Variants in MAP4K3 observed in about 807,000 individuals in gnomAD.
MAP4K3 encodes the protein MAPK/ERK kinase kinase kinase 3.
MAP4K3 carries 94 observed loss-of-function variants against 143.5 expected under a neutral mutation model. The ratio of observed to expected loss-of-function variants is 0.65; its 90% CI spans 0.55 to 0.78. The LOEUF (loss-of-function observed/expected upper bound fraction) is 0.78. MAP4K3 is among the 30% of genes least tolerant of loss of function. MAP4K3 has a pLI of 0.00. For missense variants in MAP4K3, 1,077 were observed against 1,068.1 expected, an observed-to-expected ratio of 1.01 and a Z score of -0.12; for synonymous variants, 416 against 347.2, an observed-to-expected ratio of 1.20 and a Z score of -2.20.
At position 39,286,895 on chromosome 2, in the gene MAP4K3, T is replaced by C. The variant is rs1397472066; in HGVS notation, c.1544A>G (p.His515Arg). The C allele has an allele frequency of 5.0e-6, 8 of 1,610,662 alleles. No individual in the cohort carries two copies. The African/African-American group carries it at 5.3e-5, about 11-fold the overall frequency. The change falls in exon 21 of 34, where the codon CAT becomes CGT. Residue 515 changes from histidine (H) to arginine (R), a missense_variant. Around this residue, in one of 2 missense-constraint regions of MAP4K3, gnomAD observed 864 missense variants for 801.2 expected, o/e 1.08. Transcript: ENST00000263881. Reference sequence around the variant, plus strand: ...TTTTCTTGAAAGGTTTGTGCCTCTATGTTCATTCTGTTGTTGACATAATGA... The same window carrying C: ...TTTTCTTGAAAGGTTTGTGCCTCTACGTTCATTCTGTTGTTGACATAATGA... ...DGSLCQQQNE[H>R]RGTNLSRKEK...
At chr2:39,393,518 T>A (rs1202182595) in intron 1 of MAP4K3, among the ~76,000 whole-genome samples, 1 of 152,190 alleles carries the variant, frequency 6.6e-6, no homozygotes, top group Non-Finnish European at 1.5e-5. Flanking sequence ...CAAACTTCAT[T>A]TTTTAAAATT....
At position 39,290,370 on chromosome 2, in the gene MAP4K3, T is replaced by C. The variant is rs774753019; in HGVS notation, c.1272-36A>G. 102 of 1,402,044 alleles carry C rather than the reference T, an allele frequency of 7.3e-5. 1 individual carries two copies. In the South Asian group the frequency reaches 1.2e-3, roughly 17 times the overall value. The allele number at this position is 1,402,044 out of a possible 1,614,324, so 86.9% of individuals were successfully genotyped here. On this transcript the variant is annotated intron_variant, in intron 18 of 33. Coordinates refer to ENST00000263881, the MANE Select transcript of MAP4K3 (RefSeq NM_003618.4). Reference sequence around the variant, plus strand: ...AAAAGTTTAGAATCAGAACTATTCATTTTACAAATGAATCAATCCTAAAAT... The same window carrying C: ...AAAAGTTTAGAATCAGAACTATTCACTTTACAAATGAATCAATCCTAAAAT...
At chr2:39,324,625 C>T (rs1683428130) in intron 12 of MAP4K3, among the ~76,000 whole-genome samples, 1 of 152,134 alleles carries the variant, frequency 6.6e-6, no homozygotes, top group Non-Finnish European at 1.5e-5. Context: ...TCTTTCTAAA[C>T]ACTTCACCTT....
intron 21 of MAP4K3, among the ~76,000 whole-genome samples, chr2:39,284,120 T>C (rs1471847607): frequency 6.6e-6 from 1 of 152,214 alleles, no homozygotes; most frequent in African/African-American, 2.4e-5. Flanking sequence ...TGTTATTAAA[T>C]TATCTGATGT....
intron 2 of MAP4K3, among the ~76,000 whole-genome samples, chr2:39,377,557 A>G (rs961367440): frequency 2.0e-5 from 3 of 152,160 alleles, no homozygotes; most frequent in Non-Finnish European, 4.4e-5. Context: ...GCTTTACAAT[A>G]AGCTGCTCAA....
intron 28 of MAP4K3, 93 bp from the exon 29 acceptor site, chr2:39,260,870 C>T: frequency 1.3e-6 from 1 of 793,326 alleles, no homozygotes; most frequent in Non-Finnish European, 2.0e-6. Flanking sequence ...ACAATAAAGA[C>T]TGCATCTTGT....
intron 16 of MAP4K3, among the ~76,000 whole-genome samples, chr2:39,297,542 T>C (rs1682333458): frequency 6.6e-6 from 1 of 152,110 alleles, no homozygotes; most frequent in South Asian, 2.1e-4. Flanking sequence ...TACATATGCT[T>C]CCTGTTAGAA....
rs79334881 is a variant in MAP4K3, at chr2:39,295,220, G to C, written c.1179-1952C>G. 7.4e-4 allele frequency among the ~76,000 whole-genome samples: 113 copies of C among 152,174 alleles called. No homozygotes were observed. The East Asian group carries it at 0.017, about 23-fold the overall frequency. On this transcript the variant is annotated intron_variant, in intron 16 of 33. Coordinates refer to ENST00000263881, the MANE Select transcript of MAP4K3 (RefSeq NM_003618.4). ...TATTCACTGCCTCTGAGTCTCAGGA[G>C]AGAAATCAGAGGTGTTTTAAGAAAC...
rs576877968 is a variant in MAP4K3 at position 39,314,944 on chromosome 2, G to A, written c.997+366C>T. Reference sequence around the variant, plus strand: ...GATCATGAGTGCATGAATGACGTGGGAGCTTGTTAGTAGAACCTCAGATCC... The same window carrying A: ...GATCATGAGTGCATGAATGACGTGGAAGCTTGTTAGTAGAACCTCAGATCC... On this transcript the variant is annotated intron_variant, in intron 13 of 33. Coordinates refer to ENST00000263881, the MANE Select transcript of MAP4K3 (RefSeq NM_003618.4). 2.0e-4 allele frequency among the ~76,000 whole-genome samples: 31 copies of A among 152,282 alleles called. No homozygotes were observed. The South Asian group carries it at 6.0e-3, about 30-fold the overall frequency.
At chr2:39,354,829 G>A (rs1665561186) in intron 3 of MAP4K3, among the ~76,000 whole-genome samples, 1 of 152,154 alleles carries the variant, frequency 6.6e-6, no homozygotes, top group Non-Finnish European at 1.5e-5. Context: ...TTTCTGTTGT[G>A]CCCAAAAGAG....
intron 4 of MAP4K3, among the ~76,000 whole-genome samples, chr2:39,338,335 T>C (rs969610572): frequency 1.3e-5 from 2 of 152,346 alleles, no homozygotes; most frequent in East Asian, 3.9e-4. Context: ...TTTAAATCAA[T>C]ACTTCTTATA....
rs752249176 is a variant in MAP4K3 at position 39,437,004 on chromosome 2, C to A, written c.-17G>T. 9 of 1,602,968 alleles carry A rather than the reference C, an allele frequency of 5.6e-6. No individual in the cohort carries two copies. The highest frequency in any genetic ancestry group is 6.0e-6 in the Non-Finnish European group (7 of 1,174,016). On this transcript the variant is annotated 5_prime_UTR_variant, in exon 1 of 34. Transcript: ENST00000263881. ...GGGGTTCATGGCGGGCCCCAGGTGCCCCCCGCCTCCCTCCCGGGCAGGGGA... is the reference window on the plus strand; with the variant it reads ...GGGGTTCATGGCGGGCCCCAGGTGCACCCCGCCTCCCTCCCGGGCAGGGGA...
intron 1 of MAP4K3, among the ~76,000 whole-genome samples, chr2:39,409,910 C>G (rs1349359712): frequency 1.3e-5 from 2 of 152,094 alleles, no homozygotes; most frequent in Non-Finnish European, 2.9e-5. Flanking sequence ...CTCAATAGCA[C>G]TTAAAGGGAT....
chr2:39,274,880 A>T (rs1195434705), intron 24 of MAP4K3, among the ~76,000 whole-genome samples: 1 of 152,202 alleles, frequency 6.6e-6, no homozygotes, highest in Non-Finnish European at 1.5e-5. Flanking sequence ...AAAAACTTTA[A>T]ATCAGGACCC....
intron 12 of MAP4K3, among the ~76,000 whole-genome samples, chr2:39,321,353 T>C (rs879958297): frequency 2.0e-5 from 3 of 152,146 alleles, no homozygotes; most frequent in Non-Finnish European, 4.4e-5. Flanking sequence ...GGATTAAGGG[T>C]TGTGCAAGAT....
intron 24 of MAP4K3, among the ~76,000 whole-genome samples, chr2:39,274,292 C>G (rs1321971945): frequency 6.6e-6 from 1 of 151,526 alleles, no homozygotes; most frequent in African/African-American, 2.4e-5. Flanking sequence ...TCTCCGCTCA[C>G]TGCAAGCTCC....
intron 2 of MAP4K3, among the ~76,000 whole-genome samples, chr2:39,372,013 G>A (rs1331879726): frequency 6.6e-6 from 1 of 151,504 alleles, no homozygotes; most frequent in Non-Finnish European, 1.5e-5. Flanking sequence ...CTTGTTTGCA[G>A]ATTATATGAT....
intron 33 of MAP4K3, among the ~76,000 whole-genome samples, chr2:39,251,456 A>G (rs555489358): frequency 2.6e-5 from 4 of 152,322 alleles, no homozygotes; most frequent in African/African-American, 9.6e-5. Flanking sequence ...TCTATTTCCT[A>G]TAACTTTATA....
chr2:39,378,192 T>A, intron 1 of MAP4K3, 69 bp from the exon 2 acceptor site: 1 of 784,724 alleles, frequency 1.3e-6, no homozygotes, highest in Non-Finnish European at 2.1e-6. Flanking sequence ...AATTTCACTT[T>A]AGCTTACTGT....
Sources: gnomAD v4.1 joint callset for allele counts (sites outside exome capture counted in the v4.1 genomes callset) on GRCh38, gnomAD v4.1.1 for gene constraint, gnomAD v4.1.1 regional missense constraint, MANE v1.5 for transcripts, NCBI Gene and HGNC (gene_info 2026-07-23, HGNC 2026-07-21) for gene names.